PTPRD: variants seen among roughly 807,000 people sequenced by gnomAD.
PTPRD encodes the protein receptor-type tyrosine-protein phosphatase delta.
Under a neutral mutation model 214.5 loss-of-function variants are expected in PTPRD, and 34 were observed. The observed-to-expected ratio is 0.16, with a 90% confidence interval of 0.12 to 0.21. The LOEUF is 0.21. Among genes scored for constraint, PTPRD ranks in the 10% least tolerant of loss-of-function variants. The pLI is 1.00. For synonymous variants in PTPRD, 1,128 were observed against 845.7 expected (o/e 1.33, Z -5.79); for missense variants, 2,545 against 2,398.7 (o/e 1.06, Z -1.27).
chr9:8,515,284 G>C (rs1242319595), intron 21 of PTPRD, among the ~76,000 whole-genome samples: 1 of 152,154 alleles, frequency 6.6e-6, no homozygotes, highest in African/African-American at 2.4e-5. Context: ...TAATTGGTTT[G>C]TGAGAATAAA....
At chr9:8,427,891 G>C (rs1358734127) in intron 35 of PTPRD, among the ~76,000 whole-genome samples, 1 of 151,932 alleles carries the variant, frequency 6.6e-6, no homozygotes, top group East Asian at 1.9e-4. Flanking sequence ...CAATGATGGA[G>C]TATCTTAAAA....
intron 4 of PTPRD, among the ~76,000 whole-genome samples, chr9:10,030,457 T>C (rs2097037347): frequency 1.3e-5 from 2 of 152,282 alleles, no homozygotes; most frequent in South Asian, 4.1e-4. Flanking sequence ...TAGGAGTACC[T>C]GTTGGTTTGA....
chr9:9,194,630 C>A (rs188216402), intron 9 of PTPRD, among the ~76,000 whole-genome samples: 6 of 152,202 alleles, frequency 3.9e-5, no homozygotes, highest in Admixed American at 3.9e-4. Flanking sequence ...CAAGTAGAGA[C>A]AGACAAGAGG....
intron 9 of PTPRD, among the ~76,000 whole-genome samples, chr9:9,208,020 C>CATTTTTT (rs1554981097): frequency 1.9e-5 from 1 of 53,260 alleles, no homozygotes; most frequent in African/African-American, 5.4e-5. Flanking sequence ...TATATATCTG[C>CATTTTTT]TTTTTTTTTT....
chr9:9,161,004 A>G (rs148257439), intron 10 of PTPRD, among the ~76,000 whole-genome samples: 324 of 152,262 alleles, frequency 2.1e-3, no homozygotes, highest in African/African-American at 7.5e-3. Context: ...AGAAGTAGAG[A>G]GTAAAACAAT....
intron 10 of PTPRD, among the ~76,000 whole-genome samples, chr9:9,151,870 T>C (rs1227687330): frequency 6.6e-6 from 1 of 152,208 alleles, no homozygotes; most frequent in South Asian, 2.1e-4. Flanking sequence ...GCACCCACTG[T>C]GTCGTTAAGA....
chr9:9,831,914 T>C (rs1315996912), intron 5 of PTPRD, among the ~76,000 whole-genome samples: 1 of 152,016 alleles, frequency 6.6e-6, no homozygotes, highest in Non-Finnish European at 1.5e-5. Flanking sequence ...TCTTGGCTGG[T>C]TGGCAAAAAT....
At chr9:9,825,404 G>T (rs2052437747) in intron 5 of PTPRD, among the ~76,000 whole-genome samples, 1 of 103,370 alleles carries the variant, frequency 9.7e-6, no homozygotes, top group Non-Finnish European at 1.9e-5. Flanking sequence ...GACAGAGAGA[G>T]AAAGAGAGAG....
At chr9:10,096,069 C>G (rs1167591303) in intron 3 of PTPRD, among the ~76,000 whole-genome samples, 1 of 151,564 alleles carries the variant, frequency 6.6e-6, no homozygotes, top group Admixed American at 6.6e-5. Flanking sequence ...AGTAGGCTTA[C>G]CGCATTAGAG....
chr9:9,541,502 A>G (rs2077581779), intron 8 of PTPRD, among the ~76,000 whole-genome samples: 1 of 151,818 alleles, frequency 6.6e-6, no homozygotes, highest in Non-Finnish European at 1.5e-5. Context: ...TGCCTGAACA[A>G]CCAGAATCTG....
intron 3 of PTPRD, among the ~76,000 whole-genome samples, chr9:10,037,341 G>A (rs2097203381): frequency 6.6e-6 from 1 of 152,002 alleles, no homozygotes; most frequent in South Asian, 2.1e-4. Flanking sequence ...CCCCTTGGTG[G>A]TGTTGCAGCA....
chr9:10,063,769 A>T (rs560501434), intron 3 of PTPRD, among the ~76,000 whole-genome samples: 1 of 152,046 alleles, frequency 6.6e-6, no homozygotes, highest in Non-Finnish European at 1.5e-5. Flanking sequence ...ATGTAGCAAT[A>T]CCAGCTAGTT....
intron 9 of PTPRD, among the ~76,000 whole-genome samples, chr9:9,187,118 T>A (rs1373520338): frequency 1.3e-5 from 2 of 151,836 alleles, no homozygotes; most frequent in Non-Finnish European, 2.9e-5. Flanking sequence ...TTACTTCCTA[T>A]CAATTTTATT....
intron 11 of PTPRD, among the ~76,000 whole-genome samples, chr9:8,806,748 G>A (rs1027312680): frequency 6.6e-6 from 1 of 152,092 alleles, no homozygotes; most frequent in Non-Finnish European, 1.5e-5. Context: ...GATTAAAGGG[G>A]TTTTAATAGA....
intron 35 of PTPRD, among the ~76,000 whole-genome samples, chr9:8,405,952 T>C (rs2092932806): frequency 6.6e-6 from 1 of 151,468 alleles, no homozygotes; most frequent in African/African-American, 2.5e-5. Flanking sequence ...AAAAGTCAAG[T>C]CTGTTAGTAG....
At chr9:9,119,629 T>A (rs1054470907) in intron 10 of PTPRD, among the ~76,000 whole-genome samples, 8 of 152,050 alleles carry the variant, frequency 5.3e-5, no homozygotes, top group African/African-American at 1.9e-4. Context: ...GTTCAAGCGA[T>A]TCTCCTGCCT....
chr9:10,400,220 G>T (rs868400160), intron 2 of PTPRD, among the ~76,000 whole-genome samples: 1 of 151,688 alleles, frequency 6.6e-6, no homozygotes, highest in Admixed American at 6.6e-5. Context: ...GATAATAATA[G>T]TGCTCACTCA....
At chr9:9,453,282 G>A (rs2145409923) in intron 8 of PTPRD, among the ~76,000 whole-genome samples, 1 of 151,444 alleles carries the variant, frequency 6.6e-6, no homozygotes, top group Admixed American at 6.6e-5. Flanking sequence ...ATCATTCCAT[G>A]CGGTTGCATA....
At chr9:9,350,420 G>A (rs145813205) in intron 9 of PTPRD, among the ~76,000 whole-genome samples, 5 of 152,068 alleles carry the variant, frequency 3.3e-5, no homozygotes, top group African/African-American at 1.2e-4. Flanking sequence ...ATACCCTTTT[G>A]TACTGTATCA....
Sources: gnomAD v4.1 joint callset for allele counts (sites outside exome capture counted in the v4.1 genomes callset) on GRCh38, gnomAD v4.1.1 for gene constraint, MANE v1.5 for transcripts, NCBI Gene and HGNC (gene_info 2026-07-23, HGNC 2026-07-21) for gene names.